The following CSMD1 variants were observed in gnomAD, a reference collection of about 807,000 sequenced individuals.
CSMD1 encodes the protein CUB and Sushi multiple domains 1, also known as CUB and sushi domain-containing protein 1.
CSMD1 carries 213 observed loss-of-function variants against 417.5 expected under a neutral mutation model. The observed-to-expected ratio is 0.51, with a 90% CI of 0.46 to 0.57. The LOEUF is 0.57. Ranked by LOEUF, CSMD1 falls within the 20% of genes least tolerant of loss-of-function variation. The probability of loss-of-function intolerance (pLI) is 0.00; values close to 1 mark genes in which losing one functional copy is unlikely to be tolerated. For synonymous variants in CSMD1, 2,862 were observed against 1,736.8 expected (o/e 1.65, Z -16.11); for missense variants, 6,923 against 4,529.7 (o/e 1.53, Z -15.17).
chr8:3,648,902 A>C (rs1367918143), intron 7 of CSMD1, among the ~76,000 whole-genome samples: 1 of 152,188 alleles, frequency 6.6e-6, no homozygotes, highest in Admixed American at 6.5e-5. Context: ...TTTTCTATTT[A>C]AATGACCAAG....
At chr8:3,722,033 T>C (rs558832641) in intron 6 of CSMD1, among the ~76,000 whole-genome samples, 1 of 151,968 alleles carries the variant, frequency 6.6e-6, no homozygotes, top group Non-Finnish European at 1.5e-5. Flanking sequence ...GTTGTACAAG[T>C]AGAGATGTGT....
In CSMD1 at chr8:3,220,189, C is replaced by G. The variant is rs143345224; in HGVS notation, c.4485-747G>C. Among the ~76,000 whole-genome samples the G allele has an allele frequency of 5.6e-4, 84 of 150,456 alleles. 1 individual carries two copies. The highest frequency in any genetic ancestry group is 2.6e-3 in the Admixed American group (40 of 15,170). On this transcript the variant is annotated intron_variant, in intron 28 of 69. Coordinates refer to ENST00000635120, the MANE Select transcript of CSMD1 (RefSeq NM_033225.6). ...GACTCCACTTGCGTGGATAAATCAG[C>G]GAATATTAATAGCCCCTACAATGCC...
chr8:2,960,141 T>A (rs1483476957), intron 62 of CSMD1, among the ~76,000 whole-genome samples: 3 of 152,228 alleles, frequency 2.0e-5, no homozygotes, highest in African/African-American at 7.2e-5. Flanking sequence ...GAGAGCGACA[T>A]CCATATATAG....
At chr8:4,204,997 A>T (rs1270397052) in intron 3 of CSMD1, among the ~76,000 whole-genome samples, 1 of 152,110 alleles carries the variant, frequency 6.6e-6, no homozygotes, top group Non-Finnish European at 1.5e-5. Flanking sequence ...AGAATAATTT[A>T]CCTCCAATTT....
chr8:4,218,484 G>C (rs73496602), intron 3 of CSMD1, among the ~76,000 whole-genome samples: 1 of 152,098 alleles, frequency 6.6e-6, no homozygotes, highest in African/African-American at 2.4e-5. Context: ...TCCACTTGCT[G>C]TATGATCTTT....
intron 52 of CSMD1, among the ~76,000 whole-genome samples, chr8:3,009,455 T>C (rs535332367): frequency 6.6e-6 from 1 of 152,332 alleles, no homozygotes; most frequent in African/African-American, 2.4e-5. Flanking sequence ...GTCAGAGTTA[T>C]TTGGGCAGTA....
At position 4,548,369 on chromosome 8, in the gene CSMD1, C is replaced by A. The variant is rs565652661; in HGVS notation, c.302+88973G>T. On this transcript the variant is annotated intron_variant, in intron 2 of 69. Coordinates refer to ENST00000635120, the MANE Select transcript of CSMD1 (RefSeq NM_033225.6). ...AAATACTCTATCGTATTTTGTCGTTCATTGAATATTCATGTTGTATATTTA... is the reference window on the plus strand; with the variant it reads ...AAATACTCTATCGTATTTTGTCGTTAATTGAATATTCATGTTGTATATTTA... Among the ~76,000 whole-genome samples the A allele has an allele frequency of 3.3e-5, 5 of 152,208 alleles. No homozygotes were observed. The South Asian group carries it at 8.3e-4, about 25-fold the overall frequency.
At chr8:3,447,272 A>G (rs1815362700) in intron 12 of CSMD1, among the ~76,000 whole-genome samples, 2 of 152,178 alleles carry the variant, frequency 1.3e-5, no homozygotes, top group Admixed American at 1.3e-4. Context: ...TTATGACACA[A>G]TTTCAATAGA....
At chr8:2,979,888 A>G (rs1409245398) in intron 54 of CSMD1, among the ~76,000 whole-genome samples, 1 of 152,252 alleles carries the variant, frequency 6.6e-6, no homozygotes, top group African/African-American at 2.4e-5. Flanking sequence ...AGGCATGTAC[A>G]TGCCCCTACA....
intron 69 of CSMD1, among the ~76,000 whole-genome samples, chr8:2,940,463 C>G (rs562835398): frequency 6.6e-6 from 1 of 152,232 alleles, no homozygotes; most frequent in African/African-American, 2.4e-5. Context: ...GACAGATTCC[C>G]CACCGACCCA....
chr8:4,103,887 T>G (rs375366895), intron 3 of CSMD1, among the ~76,000 whole-genome samples: 2 of 152,220 alleles, frequency 1.3e-5, no homozygotes, highest in East Asian at 3.9e-4. Context: ...AGTTAATATT[T>G]GTTCTCTCCA....
At chr8:3,328,225 A>T (rs927420666) in intron 23 of CSMD1, among the ~76,000 whole-genome samples, 1 of 152,150 alleles carries the variant, frequency 6.6e-6, no homozygotes, top group Non-Finnish European at 1.5e-5. Flanking sequence ...CTCTAATCTG[A>T]CAGTCTGCCT....
chr8:4,871,182 A>G (rs537896132), intron 1 of CSMD1, among the ~76,000 whole-genome samples: 3 of 152,244 alleles, frequency 2.0e-5, no homozygotes, highest in East Asian at 1.9e-4. Flanking sequence ...TTCATCATGT[A>G]TGAGTATTTC....
chr8:4,384,552 T>C (rs1009763806), intron 3 of CSMD1, among the ~76,000 whole-genome samples: 4 of 152,222 alleles, frequency 2.6e-5, no homozygotes, highest in Non-Finnish European at 4.4e-5. Context: ...GTCCTACCCC[T>C]GTATCAGTGC....
intron 5 of CSMD1, among the ~76,000 whole-genome samples, chr8:3,955,976 G>C (rs754969474): frequency 1.3e-5 from 2 of 152,140 alleles, no homozygotes; most frequent in African/African-American, 2.4e-5. Flanking sequence ...TGTATTTTTA[G>C]TAGAGTCAGG....
intron 5 of CSMD1, among the ~76,000 whole-genome samples, chr8:3,931,395 C>A (rs1181314745): frequency 6.6e-6 from 1 of 150,564 alleles, no homozygotes; most frequent in Non-Finnish European, 1.5e-5. Flanking sequence ...CACATTCATT[C>A]TTTTACCCAT....
rs190894556 is a variant in CSMD1 at position 4,152,264 on chromosome 8, T to C, written c.416-120165A>G. On this transcript the variant is annotated intron_variant, in intron 3 of 69. Transcript: ENST00000635120. ...TTCTCAAGAGAATGCTCTATGATGG[T>C]AATATAGAAATACGATGGTTAAAAA... is the stretch of plus-strand genomic sequence containing the variant. Among the ~76,000 whole-genome samples the C allele has an allele frequency of 6.6e-3, 1,001 of 152,322 alleles. 7 individuals carry two copies. The highest frequency in any genetic ancestry group is 0.011 in the Non-Finnish European group (777 of 68,026).
chr8:4,045,065 T>C (rs2740901), intron 3 of CSMD1, among the ~76,000 whole-genome samples: 110,154 of 152,090 alleles, frequency 0.72, 40,087 homozygotes, highest in South Asian at 0.8. Context: ...GCCTTGTGCC[T>C]GAGGTATGGT....
At chr8:3,506,259 G>C (rs903855308) in intron 10 of CSMD1, among the ~76,000 whole-genome samples, 2 of 152,122 alleles carry the variant, frequency 1.3e-5, no homozygotes, top group Admixed American at 1.3e-4. Flanking sequence ...CTCTATGTCT[G>C]GCATCATCTG....
Sources: allele counts gnomAD v4.1 joint callset (sites outside exome capture counted in the v4.1 genomes callset), GRCh38; gene constraint gnomAD v4.1.1; transcripts MANE v1.5; gene names NCBI Gene and HGNC (gene_info 2026-07-23, HGNC 2026-07-21).